The following ATRNL1 variants were observed in gnomAD, a reference collection of about 807,000 sequenced individuals.
ATRNL1 encodes the protein attractin like 1, also known as attractin-like protein 1.
In ATRNL1, 95 loss-of-function variants were observed where a neutral mutation model predicts 182.7. The ratio of observed to expected loss-of-function variants is 0.52; its 90% confidence interval spans 0.44 to 0.62. The LOEUF is 0.62. Ranked by LOEUF, ATRNL1 falls within the 20% of genes least tolerant of loss-of-function variation. The pLI is 0.00. For synonymous variants in ATRNL1, 576 were observed against 568.3 expected, an observed-to-expected ratio of 1.01 and a Z score of -0.19; for missense variants, 1,471 against 1,679.5, an observed-to-expected ratio of 0.88 and a Z score of 2.17.
intron 28 of ATRNL1, among the ~76,000 whole-genome samples, chr10:115,927,769 TG>T (rs1357564292): frequency 6.6e-6 from 1 of 152,006 alleles, no homozygotes; most frequent in African/African-American, 2.4e-5. Flanking sequence ...GTGTAGGTGT[TG>T]GGAATCGTTT....
chr10:115,753,645 T>C (rs1336285119), intron 27 of ATRNL1, among the ~76,000 whole-genome samples: 1 of 152,224 alleles, frequency 6.6e-6, no homozygotes, highest in Non-Finnish European at 1.5e-5. Context: ...TAAGTGTGCA[T>C]GTGTCTTTAT....
intron 28 of ATRNL1, among the ~76,000 whole-genome samples, chr10:115,940,130 T>G (rs1465392922): frequency 6.6e-6 from 1 of 152,066 alleles, no homozygotes; most frequent in Non-Finnish European, 1.5e-5. Flanking sequence ...GAATGGGAAA[T>G]CTTTATAGTG....
At chr10:115,939,139 G>C (rs1953650241) in intron 28 of ATRNL1, among the ~76,000 whole-genome samples, 1 of 152,168 alleles carries the variant, frequency 6.6e-6, no homozygotes, top group Non-Finnish European at 1.5e-5. Context: ...ACAGTTATTT[G>C]TCAATTAAAA....
intron 28 of ATRNL1, among the ~76,000 whole-genome samples, chr10:115,918,213 G>T (rs1447600021): frequency 1.3e-5 from 2 of 148,508 alleles, no homozygotes; most frequent in Non-Finnish European, 3.0e-5. Context: ...AGGTTCTCTT[G>T]CCTCAGCCCC....
chr10:115,323,847 G>A (rs146738619), intron 18 of ATRNL1, among the ~76,000 whole-genome samples: 6,044 of 150,522 alleles, frequency 0.04, 411 homozygotes, highest in African/African-American at 0.14. Flanking sequence ...GCGCGATCTC[G>A]GCTCACCGCA....
intron 7 of ATRNL1, 106 bp from the exon 8 acceptor site, chr10:115,170,931 G>T: frequency 3.1e-6 from 2 of 636,524 alleles, no homozygotes; most frequent in South Asian, 1.1e-4. Context: ...TATGCATGTT[G>T]TGAACAATTA....
At chr10:115,215,589 A>C (rs1014091226) in intron 8 of ATRNL1, 108 bp from the exon 9 acceptor site, 3 of 836,530 alleles carry the variant, frequency 3.6e-6, no homozygotes, top group Non-Finnish European at 5.4e-6. Context: ...TACAATGTTT[A>C]CTCATAAAAA....
At chr10:115,898,332 A>G (rs1952260652) in intron 28 of ATRNL1, among the ~76,000 whole-genome samples, 1 of 152,222 alleles carries the variant, frequency 6.6e-6, no homozygotes, top group Admixed American at 6.5e-5. Flanking sequence ...TTAATTAATC[A>G]AATACCAAAT....
intron 28 of ATRNL1, among the ~76,000 whole-genome samples, chr10:115,909,757 T>C (rs1952618829): frequency 1.3e-5 from 2 of 152,014 alleles, no homozygotes; most frequent in South Asian, 4.1e-4. Flanking sequence ...ACTGAATATG[T>C]TTAAATTTAG....
intron 9 of ATRNL1, among the ~76,000 whole-genome samples, chr10:115,236,562 T>C (rs1850189772): frequency 6.6e-6 from 1 of 152,210 alleles, no homozygotes; most frequent in Admixed American, 6.6e-5. Flanking sequence ...CCACATTTTT[T>C]GTTTGTTTGT....
intron 1 of ATRNL1, among the ~76,000 whole-genome samples, chr10:115,095,654 G>A (rs986281102): frequency 6.6e-6 from 1 of 151,946 alleles, no homozygotes; most frequent in African/African-American, 2.4e-5. Flanking sequence ...TTTAAAAAGT[G>A]TTTCAAGATG....
intron 26 of ATRNL1, among the ~76,000 whole-genome samples, chr10:115,633,915 T>C (rs1224892854): frequency 1.3e-5 from 2 of 152,144 alleles, no homozygotes; most frequent in East Asian, 3.9e-4. Flanking sequence ...GTAGGTAAAT[T>C]CCTTTATTAT....
intron 10 of ATRNL1, among the ~76,000 whole-genome samples, chr10:115,255,308 C>T (rs1408369660): frequency 3.3e-5 from 5 of 152,114 alleles, no homozygotes; most frequent in East Asian, 1.9e-4. Flanking sequence ...TCTTTTATTT[C>T]GTTGAGCTGT....
intron 15 of ATRNL1, among the ~76,000 whole-genome samples, chr10:115,298,728 T>G (rs187524635): frequency 6.6e-6 from 1 of 152,224 alleles, no homozygotes; most frequent in Admixed American, 6.5e-5. Context: ...CCATCTTTGT[T>G]TTAGGCACTG....
intron 8 of ATRNL1, among the ~76,000 whole-genome samples, chr10:115,195,249 C>A (rs1327837123): frequency 6.6e-6 from 1 of 152,018 alleles, no homozygotes; most frequent in Non-Finnish European, 1.5e-5. Flanking sequence ...CCTCTTGTTT[C>A]ACATTGAAGA....
intron 19 of ATRNL1, among the ~76,000 whole-genome samples, chr10:115,389,540 GTATATATATATATATATATATATA>G (rs58155967): frequency 0.029 from 1,290 of 44,538 alleles, 76 homozygotes; most frequent in Non-Finnish European, 0.04. Context: ...ATGTGTATGT[GTATATATATATATATATATATATA>G]TATATATATA....
intron 27 of ATRNL1, among the ~76,000 whole-genome samples, chr10:115,800,156 G>A (rs1555084007): frequency 1.3e-5 from 2 of 151,894 alleles, no homozygotes; most frequent in Admixed American, 6.6e-5. Flanking sequence ...ACGAGATGGA[G>A]GTTGAAGTTG....
intron 26 of ATRNL1, among the ~76,000 whole-genome samples, chr10:115,648,184 TG>T (rs1167055471): frequency 6.6e-6 from 1 of 152,144 alleles, no homozygotes; most frequent in Non-Finnish European, 1.5e-5. Context: ...AGCCAAATCG[TG>T]AGTGAACTCC....
At chr10:115,738,252 C>A (rs1415153933) in intron 27 of ATRNL1, among the ~76,000 whole-genome samples, 1 of 11,544 alleles carries the variant, frequency 8.7e-5, no homozygotes, top group Admixed American at 2.5e-3. Flanking sequence ...AATTCTCCTG[C>A]CTCAGCCCCA....
Sources: gnomAD v4.1 joint callset for allele counts (sites outside exome capture counted in the v4.1 genomes callset) on GRCh38, gnomAD v4.1.1 for gene constraint, MANE v1.5 for transcripts, NCBI Gene and HGNC (gene_info 2026-07-23, HGNC 2026-07-21) for gene names.